ZBTB10: variants seen among roughly 807,000 people sequenced by gnomAD.
ZBTB10 encodes the protein zinc finger and BTB domain containing 10.
ZBTB10 carries 32 observed loss-of-function variants against 76.4 expected under a neutral mutation model. The observed-to-expected ratio is 0.42, with a 90% CI of 0.32 to 0.56. The LOEUF (loss-of-function observed/expected upper bound fraction) is 0.56. Ranked by LOEUF, ZBTB10 falls within the 20% of genes least tolerant of loss-of-function variation. The pLI is 0.14. For synonymous variants in ZBTB10, 523 were observed against 432.9 expected, an observed-to-expected ratio of 1.21 and a Z score of -2.58; for missense variants, 1,057 against 1,098.5, an observed-to-expected ratio of 0.96 and a Z score of 0.53.
intron 2 of ZBTB10, among the ~76,000 whole-genome samples, chr8:80,502,509 C>T (rs1012202723): frequency 7.2e-5 from 11 of 152,164 alleles, no homozygotes; most frequent in Non-Finnish European, 1.5e-4. Context: ...GTTGGGATTA[C>T]ATGGGTGAGC....
chr8:80,514,047 T>C (rs755364294), intron 3 of ZBTB10, 39 bp downstream of exon 3: 6 of 1,552,014 alleles, frequency 3.9e-6, no homozygotes, highest in Non-Finnish European at 5.2e-6. Context: ...ACATTTAAGA[T>C]TGGGAAGTGT....
Position 80,486,419 on chromosome 8 carries a change from C to A in ZBTB10, c.-392C>A, listed in dbSNP as rs897993913. On this transcript the variant is annotated 5_prime_UTR_variant, in exon 1 of 6. Coordinates refer to ENST00000455036, the MANE Select transcript of ZBTB10 (RefSeq NM_001105539.3). Reference sequence around the variant, plus strand: ...TGTGTGGAGGATCGGTGTGTGCGCGCGCGGCTTTAAAGAGGGGGCAGCGGA... The same window carrying A: ...TGTGTGGAGGATCGGTGTGTGCGCGAGCGGCTTTAAAGAGGGGGCAGCGGA... 1.0e-6 allele frequency: 1 copy of A among 983,574 alleles called. No homozygotes were observed. The highest frequency in any genetic ancestry group is 1.2e-6 in the Non-Finnish European group (1 of 829,624). 60.9% of individuals were successfully genotyped at this position (983,574 alleles called of 1,614,324 possible). A position where few individuals can be genotyped will look rare whatever the true frequency, so the allele number is the denominator to read the frequency against.
intron 1 of ZBTB10, among the ~76,000 whole-genome samples, chr8:80,493,837 T>TA (rs1461207765): frequency 6.6e-6 from 1 of 151,994 alleles, no homozygotes; most frequent in Non-Finnish European, 1.5e-5. Flanking sequence ...AAATAAAAAA[T>TA]AAAAAATAAC....
chr8:80,487,616 T>C lies in ZBTB10; in HGVS notation c.806T>C (p.Leu269Pro). ...CTGCGCTATTCCAAGGATACTGGTC[T>C]TATGTCTTGCGGCTGGTGCCAAAAG... The part of the protein sequence containing the change: ...PWLRYSKDTG[L>P]MSCGWCQKTP... Residue 269 changes from leucine to proline, a missense_variant, in exon 1 of 6, where the codon CTT becomes CCT. By Grantham distance (98) the Leu-to-Pro change is moderately conservative. This residue lies in a region of ZBTB10 where 556 missense variants were observed against 451.7 expected (regional missense o/e 1.23). Transcript: ENST00000455036. The C allele has an allele frequency of 6.2e-7, 1 of 1,613,942 alleles. No individual in the cohort carries two copies. Among genetic ancestry groups the C allele is most frequent in the Non-Finnish European group, 8.5e-7 (1 of 1,179,856 alleles).
Position 80,487,507 on chromosome 8 carries a change from C to G in ZBTB10, c.697C>G (p.His233Asp). ...AGCTGGCGAAGGAGAGACTGTCCAG[C>G]ACTTCCCGCTCGCGCGGCCCAAGTC... Reference protein sequence around the residue: ...VGAGEGETVQHFPLARPKSLM... With the variant: ...VGAGEGETVQDFPLARPKSLM... Residue 233 changes from histidine (H) to aspartate (D), a missense_variant, in exon 1 of 6, where the codon CAC (histidine) becomes GAC (aspartate). This residue lies in a region of ZBTB10 where 556 missense variants were observed against 451.7 expected (regional missense o/e 1.23). Coordinates refer to ENST00000455036, the MANE Select transcript of ZBTB10 (RefSeq NM_001105539.3). 6.4e-7 allele frequency: 1 copy of G among 1,559,082 alleles called. No individual in the cohort carries two copies. The highest frequency in any genetic ancestry group is 8.7e-7 in the Non-Finnish European group (1 of 1,151,192).
chr8:80,501,525 C>T (rs1004360394), intron 2 of ZBTB10, among the ~76,000 whole-genome samples: 2 of 152,202 alleles, frequency 1.3e-5, no homozygotes, highest in South Asian at 2.1e-4. Context: ...CTGATTTATA[C>T]GATGGTGGTC....
At chr8:80,518,283 C>G in intron 3 of ZBTB10, 120 bp from the exon 4 acceptor site, 1 of 950,594 alleles carries the variant, frequency 1.1e-6, no homozygotes, top group Non-Finnish European at 1.4e-6. Flanking sequence ...TTTTATTTAA[C>G]TCATACTATG....
chr8:80,493,634 T>TG (rs1328249520), intron 1 of ZBTB10, among the ~76,000 whole-genome samples: 1 of 145,504 alleles, frequency 6.9e-6, no homozygotes, highest in African/African-American at 2.6e-5. Flanking sequence ...CTGACCAACA[T>TG]GGAGAAACCC....
Position 80,500,292 on chromosome 8 carries a change from A to G in ZBTB10, c.1771A>G (p.Asn591Asp). 6.3e-7 allele frequency: 1 copy of G among 1,577,304 alleles called. No individual in the cohort carries two copies. Among genetic ancestry groups the G allele is most frequent in the Non-Finnish European group, 8.6e-7 (1 of 1,160,794 alleles). ...AAGATTTATTTATAATATTCCACCT[A>G]ATAATGAAACGAATTTAGAAGATTG... ...TKRFIYNIPPNNETNLEDCSV... is the reference protein window; with the variant it reads ...TKRFIYNIPPDNETNLEDCSV... Residue 591 changes from asparagine to aspartate, a missense_variant, in exon 2 of 6, where the codon AAT becomes GAT. Physicochemically the swap from Asn to Asp is conservative, Grantham distance 23. This residue lies in a region of ZBTB10 where 306 missense variants were observed against 297.5 expected (regional missense o/e 1.03). Coordinates refer to ENST00000455036, the MANE Select transcript of ZBTB10 (RefSeq NM_001105539.3).
rs1815902473 is a variant in ZBTB10, at chr8:80,500,715, A to T, written c.1861+333A>T. 2.0e-5 allele frequency among the ~76,000 whole-genome samples: 3 copies of T among 152,238 alleles called. No individual in the cohort carries two copies. The South Asian group carries it at 6.2e-4, about 32-fold the overall frequency. On this transcript the variant is annotated intron_variant, in intron 2 of 5. Transcript: ENST00000455036. ...ACTATTTTATACCCAGTGTTGGGAA[A>T]GATAGAATCTTTAGTTGTAATATAT... is the stretch of plus-strand genomic sequence containing the variant.
chr8:80,487,781 A>T lies in ZBTB10; in HGVS notation c.971A>T (p.Gln324Leu), dbSNP rs771455458. Residue 324 changes from glutamine to leucine, a missense_variant and splice_region_variant, in exon 1 of 6, where the codon CAG becomes CTG. Physicochemically the swap from Gln to Leu is moderately radical, Grantham distance 113. This residue lies in a region of ZBTB10 where 556 missense variants were observed against 451.7 expected (regional missense o/e 1.23). Transcript: ENST00000455036. Reference sequence around the variant, plus strand: ...CACAAACTCCACGAAGCCAACGCCCAGGTACAGTATATCCTGCTCCTACTT... The same window carrying T: ...CACAAACTCCACGAAGCCAACGCCCTGGTACAGTATATCCTGCTCCTACTT... ...TEHKLHEANA[Q>L]ESEIPSEEGY... is the part of the protein sequence containing the mutation. 10 of 1,589,382 alleles carry T rather than the reference A, an allele frequency of 6.3e-6. No individual in the cohort carries two copies. Among genetic ancestry groups the T allele is most frequent in the Non-Finnish European group, 8.6e-6 (10 of 1,168,644 alleles).
chr8:80,505,685 AC>A (rs1163922926), intron 2 of ZBTB10, among the ~76,000 whole-genome samples: 1 of 152,062 alleles, frequency 6.6e-6, no homozygotes, highest in Non-Finnish European at 1.5e-5. Context: ...TACTTTGAAA[AC>A]TATTTTGAGA....
At chr8:80,512,368 A>G (rs763967255) in intron 2 of ZBTB10, among the ~76,000 whole-genome samples, 2 of 152,124 alleles carry the variant, frequency 1.3e-5, no homozygotes, top group Non-Finnish European at 2.9e-5. Context: ...CTTCGCAGCA[A>G]TATCTTTAGT....
chr8:80,516,090 C>G (rs932177095), intron 3 of ZBTB10, among the ~76,000 whole-genome samples: 11 of 152,154 alleles, frequency 7.2e-5, no homozygotes, highest in African/African-American at 2.4e-4. Context: ...GGATATTCTT[C>G]TGTCTCCTTT....
chr8:80,490,128 G>A (rs762342662), intron 1 of ZBTB10, among the ~76,000 whole-genome samples: 42 of 152,190 alleles, frequency 2.8e-4, no homozygotes, highest in Non-Finnish European at 4.7e-4. Context: ...TGGGCTTAAG[G>A]TCAGAGGACT....
chr8:80,508,552 G>C (rs946362708), intron 2 of ZBTB10, among the ~76,000 whole-genome samples: 1 of 152,180 alleles, frequency 6.6e-6, no homozygotes, highest in Admixed American at 6.5e-5. Flanking sequence ...TGTGATAAAT[G>C]TTAAAATTAG....
intron 3 of ZBTB10, among the ~76,000 whole-genome samples, chr8:80,516,343 C>T (rs986363725): frequency 6.6e-6 from 1 of 152,228 alleles, no homozygotes; most frequent in African/African-American, 2.4e-5. Context: ...TTGGCATTTG[C>T]TAGATAACAT....
chr8:80,496,396 T>C (rs1460889424), intron 1 of ZBTB10, among the ~76,000 whole-genome samples: 2 of 151,128 alleles, frequency 1.3e-5, no homozygotes, highest in Non-Finnish European at 1.5e-5. Flanking sequence ...GAAGGGCATA[T>C]TTAATAGCTG....
At chr8:80,491,049 G>A (rs751445289) in intron 1 of ZBTB10, among the ~76,000 whole-genome samples, 2 of 152,160 alleles carry the variant, frequency 1.3e-5, no homozygotes, top group Non-Finnish European at 2.9e-5. Context: ...ACTTAGTGTA[G>A]CCTAAGTGTA....
Sources: gnomAD v4.1 joint callset for allele counts (sites outside exome capture counted in the v4.1 genomes callset) on GRCh38, gnomAD v4.1.1 for gene constraint, gnomAD v4.1.1 regional missense constraint, MANE v1.5 for transcripts, NCBI Gene and HGNC (gene_info 2026-07-23, HGNC 2026-07-21) for gene names.